The following RNF24 variants were observed in gnomAD, a reference collection of about 807,000 sequenced individuals.
RNF24 encodes ring finger protein 24.
RNF24 carries 14 observed loss-of-function variants against 20.0 expected under a neutral mutation model. The ratio of observed to expected loss-of-function variants is 0.70; its 90% CI spans 0.46 to 1.10. The LOEUF is 1.10. Ranked by LOEUF, RNF24 falls within the 50% of genes least tolerant of loss-of-function variation. RNF24 has a pLI of 0.00. For missense variants in RNF24, 124 were observed against 177.6 expected, an observed-to-expected ratio of 0.70 and a Z score of 1.71; for synonymous variants, 45 against 61.1, an observed-to-expected ratio of 0.74 and a Z score of 1.23.
intron 1 of RNF24, among the ~76,000 whole-genome samples, chr20:3,972,638 C>T (rs945097617): frequency 4.0e-5 from 6 of 151,848 alleles, no homozygotes; most frequent in South Asian, 4.2e-4. Flanking sequence ...TGGTGGCTAA[C>T]GCTTATAATC....
intron 1 of RNF24, among the ~76,000 whole-genome samples, chr20:3,994,972 C>T (rs1035300999): frequency 6.6e-6 from 1 of 152,176 alleles, no homozygotes; most frequent in Admixed American, 6.6e-5. Flanking sequence ...TTTCATTGTA[C>T]AGCCTTAAAA....
intron 1 of RNF24, among the ~76,000 whole-genome samples, chr20:3,970,198 A>G (rs1195110943): frequency 6.6e-6 from 1 of 152,162 alleles, no homozygotes; most frequent in Non-Finnish European, 1.5e-5. Flanking sequence ...CCAAAGAGGT[A>G]TCAGTGAAAG....
At chr20:3,987,645 T>G (rs1338914906) in intron 1 of RNF24, among the ~76,000 whole-genome samples, 1 of 152,094 alleles carries the variant, frequency 6.6e-6, no homozygotes, top group Non-Finnish European at 1.5e-5. Flanking sequence ...AAAACAAATA[T>G]GATTCTTAAA....
chr20:3,970,260 C>G (rs2091301545), intron 1 of RNF24, among the ~76,000 whole-genome samples: 1 of 152,088 alleles, frequency 6.6e-6, no homozygotes, highest in Non-Finnish European at 1.5e-5. Context: ...CCCCCCATGT[C>G]AATAAAGGCT....
chr20:4,015,509 G>C lies in RNF24; in HGVS notation c.-80C>G, dbSNP rs1000381913. 1 of 150,880 alleles carries C rather than the reference G, an allele frequency of 6.6e-6. No homozygotes were observed. The highest frequency in any genetic ancestry group is 6.6e-5 in the Admixed American group (1 of 15,130). 9.3% of individuals were successfully genotyped at this position (150,880 alleles called of 1,614,324 possible). ...TGCGGCGGGCGGCAGGCTGCGGGCG[G>C]CGAGCGTCCGTCCGGACAGAGCGCG... is the stretch of plus-strand genomic sequence containing the variant. On this transcript the variant is annotated 5_prime_UTR_variant, in exon 1 of 6. Transcript: ENST00000358395.
At chr20:3,935,180 G>T in intron 4 of RNF24, 107 bp from the exon 5 acceptor site, 1 of 730,836 alleles carries the variant, frequency 1.4e-6, no homozygotes, top group South Asian at 1.8e-5. Flanking sequence ...GGACTCATGA[G>T]ACTCTTATCT....
At chr20:3,946,819 A>AGTGT in intron 3 of RNF24, among the ~76,000 whole-genome samples, 1 of 152,154 alleles carries the variant, frequency 6.6e-6, no homozygotes, top group Non-Finnish European at 1.5e-5. Context: ...GGGTTACCTA[A>AGTGT]GGACATCAGT....
intron 1 of RNF24, among the ~76,000 whole-genome samples, chr20:4,001,384 T>G (rs185907360): frequency 3.1e-3 from 472 of 152,266 alleles, no homozygotes; most frequent in African/African-American, 0.011. Flanking sequence ...ATATCAGATC[T>G]AATAAACTCA....
intron 1 of RNF24, among the ~76,000 whole-genome samples, chr20:3,996,870 T>C (rs1464606251): frequency 1.3e-5 from 2 of 152,200 alleles, no homozygotes; most frequent in East Asian, 3.9e-4. Context: ...AGTGGTAAAA[T>C]GTCCCTGATG....
At position 3,952,776 on chromosome 20, in the gene RNF24, A is replaced by G. The variant is rs2091096629; in HGVS notation, c.144-4497T>C. The stretch of plus-strand genomic sequence containing the variant: ...AAAAAAAATCATGAATAGGTATTAA[A>G]TTTTATCAATGCTTTATGATATTAT... On this transcript the variant is annotated intron_variant, in intron 2 of 5. Transcript: ENST00000358395. 5.9e-5 allele frequency among the ~76,000 whole-genome samples: 9 copies of G among 152,102 alleles called. No homozygotes were observed. The South Asian group carries it at 1.9e-3, about 31-fold the overall frequency.
At chr20:3,958,966 A>G (rs1389574605) in intron 2 of RNF24, among the ~76,000 whole-genome samples, 1 of 152,084 alleles carries the variant, frequency 6.6e-6, no homozygotes, top group Non-Finnish European at 1.5e-5. Flanking sequence ...ATCTCCTGCT[A>G]TCCCTTCTCA....
intron 1 of RNF24, among the ~76,000 whole-genome samples, chr20:3,971,155 G>A (rs1271061668): frequency 1.3e-5 from 2 of 152,066 alleles, no homozygotes; most frequent in Admixed American, 1.3e-4. Context: ...ACCATTGGGG[G>A]AAATAATATG....
intron 1 of RNF24, among the ~76,000 whole-genome samples, chr20:4,003,764 T>G (rs1981618848): frequency 6.9e-6 from 1 of 145,880 alleles, no homozygotes; most frequent in Admixed American, 7.1e-5. Flanking sequence ...TGACTCAGCC[T>G]CCCAAGTAGC....
At chr20:4,013,919 A>G (rs1325416945) in intron 1 of RNF24, among the ~76,000 whole-genome samples, 3 of 152,276 alleles carry the variant, frequency 2.0e-5, no homozygotes, top group Admixed American at 6.5e-5. Context: ...TGCAAAATTC[A>G]TATCATTTGT....
chr20:3,988,547 C>G (rs1355082466), intron 1 of RNF24, among the ~76,000 whole-genome samples: 2 of 150,866 alleles, frequency 1.3e-5, no homozygotes, highest in African/African-American at 4.9e-5. Context: ...GCAGCCTCAA[C>G]CTCCTGGGCT....
intron 2 of RNF24, among the ~76,000 whole-genome samples, chr20:3,951,910 T>C (rs1334550830): frequency 1.3e-5 from 2 of 152,212 alleles, no homozygotes; most frequent in African/African-American, 2.4e-5. Context: ...TCATTTTATA[T>C]GTTCTGTGTT....
chr20:4,001,803 C>T (rs1280664785), intron 1 of RNF24, among the ~76,000 whole-genome samples: 1 of 152,058 alleles, frequency 6.6e-6, no homozygotes, highest in Non-Finnish European at 1.5e-5. Flanking sequence ...AAATAAACAG[C>T]TGGGCATGGT....
At chr20:3,942,988 G>T (rs2090975602) in intron 4 of RNF24, among the ~76,000 whole-genome samples, 1 of 151,740 alleles carries the variant, frequency 6.6e-6, no homozygotes. Flanking sequence ...GCTCATTTTT[G>T]TATTTTTGGT....
At chr20:3,997,828 A>G (rs1981015315) in intron 1 of RNF24, among the ~76,000 whole-genome samples, 1 of 152,232 alleles carries the variant, frequency 6.6e-6, no homozygotes, top group Admixed American at 6.5e-5. Context: ...TCTTTTTGAT[A>G]TGATGTAAGA....
Sources: gnomAD v4.1 joint callset for allele counts (sites outside exome capture counted in the v4.1 genomes callset) on GRCh38, gnomAD v4.1.1 for gene constraint, MANE v1.5 for transcripts, NCBI Gene and HGNC (gene_info 2026-07-23, HGNC 2026-07-21) for gene names.